The following PHIP variants were observed in gnomAD, a reference collection of about 807,000 sequenced individuals.
PHIP encodes PHIP subunit of CUL4-Ring ligase complex.
PHIP carries 54 observed loss-of-function variants against 236.8 expected under a neutral mutation model. That is an observed-to-expected ratio of 0.23 (90% CI 0.18 to 0.29). The LOEUF (loss-of-function observed/expected upper bound fraction) is 0.29. PHIP is among the 10% of genes least tolerant of loss of function. PHIP has a pLI of 1.00. For missense variants in PHIP, 1,370 were observed against 2,190.8 expected (o/e 0.63, Z 7.48); for synonymous variants, 756 against 718.9 (o/e 1.05, Z -0.83).
At chr6:78,962,691 G>C (rs974116492) in intron 30 of PHIP, among the ~76,000 whole-genome samples, 10 of 152,034 alleles carry the variant, frequency 6.6e-5, no homozygotes, top group Non-Finnish European at 1.5e-4. Context: ...CTCCCCTTAA[G>C]AAGATCCTCT....
intron 6 of PHIP, among the ~76,000 whole-genome samples, chr6:79,045,168 T>C (rs1043279491): frequency 1.4e-4 from 22 of 152,202 alleles, no homozygotes; most frequent in African/African-American, 5.3e-4. Context: ...CTCTCAAACA[T>C]TGACAAACTT....
intron 6 of PHIP, among the ~76,000 whole-genome samples, chr6:79,052,384 G>A (rs1413871614): frequency 6.6e-6 from 1 of 152,182 alleles, no homozygotes; most frequent in Non-Finnish European, 1.5e-5. Flanking sequence ...ACAGAGTAGA[G>A]AAAGGGCAAG....
intron 23 of PHIP, among the ~76,000 whole-genome samples, chr6:78,982,473 C>G (rs1043193675): frequency 6.6e-6 from 1 of 151,962 alleles, no homozygotes; most frequent in African/African-American, 2.4e-5. Context: ...CATTTCTACT[C>G]TGTGTGATGT....
intron 15 of PHIP, among the ~76,000 whole-genome samples, chr6:79,014,316 T>C (rs1000981725): frequency 6.6e-6 from 1 of 151,848 alleles, no homozygotes; most frequent in Non-Finnish European, 1.5e-5. Context: ...TGTATTGTTT[T>C]ATGGTTCATT....
chr6:78,978,313 AAAAG>A (rs2127714703), intron 24 of PHIP, among the ~76,000 whole-genome samples: 1 of 152,234 alleles, frequency 6.6e-6, no homozygotes, highest in South Asian at 2.1e-4. Flanking sequence ...TTTAAAAAGA[AAAAG>A]AAAGCTGGCA....
intron 6 of PHIP, among the ~76,000 whole-genome samples, chr6:79,059,591 TTATATATATATATA>T (rs72226338): frequency 0.096 from 8,102 of 84,790 alleles, 541 homozygotes; most frequent in Non-Finnish European, 0.14. Context: ...GAAAGCAAAA[TTATATATATATATA>T]TATATATATA....
At position 78,989,430 on chromosome 6, in the gene PHIP, C is replaced by T. The variant is rs142908388; in HGVS notation, c.2320-1081G>A. Reference sequence around the variant, plus strand: ...CAATGAGACTCTGTCTCCCCACCAACCAAACAAAAAAGAGAATCACATCCA... The same window carrying T: ...CAATGAGACTCTGTCTCCCCACCAATCAAACAAAAAAGAGAATCACATCCA... On this transcript the variant is annotated intron_variant, in intron 20 of 39. Transcript: ENST00000275034. Among the ~76,000 whole-genome samples the T allele has an allele frequency of 2.4e-4, 36 of 152,052 alleles. No individual in the cohort carries two copies. The East Asian group carries it at 6.4e-3, about 27-fold the overall frequency.
At chr6:79,030,315 T>C (rs1771607579) in intron 7 of PHIP, among the ~76,000 whole-genome samples, 1 of 152,192 alleles carries the variant, frequency 6.6e-6, no homozygotes. Flanking sequence ...AGCATGATGT[T>C]AGAAATACCT....
intron 24 of PHIP, among the ~76,000 whole-genome samples, chr6:78,973,094 A>G (rs1767726067): frequency 6.6e-6 from 1 of 152,162 alleles, no homozygotes; most frequent in Non-Finnish European, 1.5e-5. Context: ...CCAAAGTTGA[A>G]ATGAAGGAAA....
At chr6:78,955,354 C>T in intron 33 of PHIP, 72 bp from the exon 34 acceptor site, 1 of 1,078,534 alleles carries the variant, frequency 9.3e-7, no homozygotes, top group Non-Finnish European at 1.4e-6. Context: ...GATTAACTAG[C>T]AATTATTTCC....
intron 4 of PHIP, among the ~76,000 whole-genome samples, chr6:79,063,058 T>C (rs1044565946): frequency 8.5e-5 from 13 of 152,220 alleles, no homozygotes; most frequent in Admixed American, 7.2e-4. Flanking sequence ...AAGAATCTAA[T>C]GACAGCTACG....
chr6:79,076,237 T>A (rs543787897), intron 4 of PHIP, among the ~76,000 whole-genome samples: 4 of 152,334 alleles, frequency 2.6e-5, no homozygotes, highest in African/African-American at 9.6e-5. Context: ...GCCATTATAA[T>A]CATGTCCTGC....
chr6:78,941,946 T>A (rs1773523414), intron 39 of PHIP, among the ~76,000 whole-genome samples: 1 of 152,164 alleles, frequency 6.6e-6, no homozygotes, highest in African/African-American at 2.4e-5. Context: ...CTGGAGATGA[T>A]GAATTACCTT....
At chr6:79,013,309 T>C (rs111924904) in intron 15 of PHIP, among the ~76,000 whole-genome samples, 61 of 151,878 alleles carry the variant, frequency 4.0e-4, no homozygotes, top group African/African-American at 1.4e-3. Flanking sequence ...GGTGGCTCAC[T>C]TTCTGTTTTT....
chr6:78,957,770 TAGG>T (rs980441896), intron 32 of PHIP: 8 of 151,950 alleles, frequency 5.3e-5, no homozygotes, highest in African/African-American at 1.9e-4. Context: ...GCCTTCAACT[TAGG>T]AGGCTCAATT....
intron 27 of PHIP, among the ~76,000 whole-genome samples, chr6:78,966,647 T>G (rs1379438664): frequency 6.6e-6 from 1 of 152,216 alleles, no homozygotes; most frequent in Non-Finnish European, 1.5e-5. Context: ...TTGTGTCTAT[T>G]TCCTTATCCA....
At chr6:79,026,202 T>C in intron 7 of PHIP, 38 bp from the exon 8 acceptor site, 1 of 1,416,394 alleles carries the variant, frequency 7.1e-7, no homozygotes. Flanking sequence ...ATTAACCCCA[T>C]AAATTTTAAT....
chr6:79,032,804 A>G (rs1458373481), intron 7 of PHIP, among the ~76,000 whole-genome samples: 1 of 151,652 alleles, frequency 6.6e-6, no homozygotes, highest in East Asian at 1.9e-4. Flanking sequence ...TCGATTCTCA[A>G]TTACAGGTGA....
intron 3 of PHIP, 71 bp downstream of exon 3, chr6:79,077,629 G>T: frequency 1.1e-6 from 1 of 899,746 alleles, no homozygotes; most frequent in Non-Finnish European, 1.3e-6. Context: ...TGCCGGCGGC[G>T]GCAGCGGCGG....
Sources: gnomAD v4.1 joint callset for allele counts (sites outside exome capture counted in the v4.1 genomes callset) on GRCh38, gnomAD v4.1.1 for gene constraint, MANE v1.5 for transcripts, NCBI Gene and HGNC (gene_info 2026-07-23, HGNC 2026-07-21) for gene names.